TFAP2B: variants seen among roughly 807,000 people sequenced by gnomAD.
TFAP2B encodes transcription factor AP-2-beta.
Under a neutral mutation model 44.3 loss-of-function variants are expected in TFAP2B, and 9 were observed. That is an observed-to-expected ratio of 0.20 (90% CI 0.12 to 0.35). The LOEUF (loss-of-function observed/expected upper bound fraction) is 0.35, where lower values mean the gene tolerates loss of function less well. TFAP2B is among the 10% of genes least tolerant of loss of function. The pLI is 1.00. For synonymous variants in TFAP2B, 270 were observed against 263.8 expected, an observed-to-expected ratio of 1.02 and a Z score of -0.23; for missense variants, 509 against 600.0, an observed-to-expected ratio of 0.85 and a Z score of 1.59.
intron 6 of TFAP2B, among the ~76,000 whole-genome samples, chr6:50,842,574 C>T (rs1016303043): frequency 6.6e-6 from 1 of 152,268 alleles, no homozygotes; most frequent in East Asian, 1.9e-4. Flanking sequence ...TCAGCATTCT[C>T]TAGAATAAAC....
chr6:50,835,946 C>T (rs1762611641), intron 3 of TFAP2B, 115 bp from the exon 4 acceptor site: 2 of 874,188 alleles, frequency 2.3e-6, no homozygotes, highest in South Asian at 1.3e-5. Flanking sequence ...ACACTTCCTC[C>T]CTCAGCTTTC....
At chr6:50,842,727 A>G (rs1762757059) in intron 6 of TFAP2B, among the ~76,000 whole-genome samples, 1 of 152,192 alleles carries the variant, frequency 6.6e-6, no homozygotes, top group Admixed American at 6.5e-5. Context: ...CGCGGGGGAA[A>G]CAGCTCAAAA....
At chr6:50,829,601 A>G (rs1052255806) in intron 3 of TFAP2B, among the ~76,000 whole-genome samples, 1 of 152,212 alleles carries the variant, frequency 6.6e-6, no homozygotes, top group Non-Finnish European at 1.5e-5. Context: ...TTTCTCATGG[A>G]TGTCGAAGAA....
At position 50,846,187 on chromosome 6, in the gene TFAP2B, AC is replaced by A. The variant is rs398048525; in HGVS notation, c.*2797del. 0.14 allele frequency: 21,277 copies of A among 152,228 alleles called. 1,609 individuals carry two copies. The highest frequency in any genetic ancestry group is 0.2 in the African/African-American group (8,282 of 41,336). 9.4% of individuals were successfully genotyped at this position (152,228 alleles called of 1,614,324 possible). A position where few individuals can be genotyped will look rare whatever the true frequency, so the allele number is the denominator to read the frequency against. On this transcript the variant is annotated 3_prime_UTR_variant, in exon 7 of 7. Transcript: ENST00000393655. ...TTCCTCCTTGCTCCAGCGAGATAGA[AC>A]CTTTTGCGCCCCCAACCCCGTTTCG...
intron 1 of TFAP2B, chr6:50,821,979 G>A: frequency 6.4e-6 from 2 of 314,388 alleles, no homozygotes; most frequent in Non-Finnish European, 1.2e-5. Context: ...GTTGGGGTGG[G>A]GGGCGGGTGT....
chr6:50,842,996 A>G, intron 6 of TFAP2B, 96 bp from the exon 7 acceptor site: 1 of 1,521,502 alleles, frequency 6.6e-7, no homozygotes, highest in Non-Finnish European at 9.1e-7. Flanking sequence ...CTCTTCGGTG[A>G]CCCGGCGCCT....
chr6:50,825,290 T>A, intron 2 of TFAP2B, among the ~76,000 whole-genome samples: 1 of 121,234 alleles, frequency 8.2e-6, no homozygotes, highest in East Asian at 2.4e-4. Flanking sequence ...AGGAAGTATT[T>A]AATAGTTTTT....
At chr6:50,824,770 G>A (rs999922417) in intron 2 of TFAP2B, among the ~76,000 whole-genome samples, 1 of 152,198 alleles carries the variant, frequency 6.6e-6, no homozygotes, top group African/African-American at 2.4e-5. Context: ...GCCTGATTTG[G>A]TTGAGAATAC....
intron 1 of TFAP2B, among the ~76,000 whole-genome samples, chr6:50,819,281 G>A (rs749739760): frequency 7.1e-6 from 1 of 141,334 alleles, no homozygotes; most frequent in African/African-American, 2.7e-5. Flanking sequence ...TGGTGCTACT[G>A]AATGTGGGCA....
At chr6:50,822,057 C>T (rs943010852) in intron 1 of TFAP2B, 2 of 1,077,158 alleles carry the variant, frequency 1.9e-6, no homozygotes, top group African/African-American at 1.7e-5. Context: ...GTGTCCAGCT[C>T]GCTTCTCTGC....
At chr6:50,821,702 C>T (rs1770352433) in intron 1 of TFAP2B, 1 of 161,986 alleles carries the variant, frequency 6.2e-6, no homozygotes, top group Admixed American at 6.0e-5. Context: ...TAGGGGAGCT[C>T]TGCGCTCGCT....
chr6:50,835,931 A>T (rs1282216723), intron 3 of TFAP2B, 130 bp from the exon 4 acceptor site: 2 of 815,266 alleles, frequency 2.5e-6, no homozygotes, highest in East Asian at 4.8e-5. Flanking sequence ...GCCCCACTGG[A>T]ATAAACACTT....
chr6:50,822,463 G>C (rs546520139), intron 1 of TFAP2B, among the ~76,000 whole-genome samples: 1 of 152,212 alleles, frequency 6.6e-6, no homozygotes, highest in Admixed American at 6.5e-5. Flanking sequence ...AAAGAACCAT[G>C]GGGAGTTTAC....
chr6:50,820,012 C>T (rs551662259), intron 1 of TFAP2B, among the ~76,000 whole-genome samples: 4 of 152,114 alleles, frequency 2.6e-5, no homozygotes, highest in African/African-American at 9.7e-5. Context: ...AGGGAAGGTT[C>T]TGCTGAGACG....
In TFAP2B at chr6:50,840,199, A is replaced by T. The variant is rs1392817515; in HGVS notation, c.984A>T (p.Glu328Asp). 1.9e-6 allele frequency: 3 copies of T among 1,614,152 alleles called. No homozygotes were observed. Among genetic ancestry groups the T allele is most frequent in the Non-Finnish European group, 2.5e-6 (3 of 1,180,036 alleles). Residue 328 changes from glutamate (E) to aspartate (D), a missense_variant, in exon 6 of 7, where the codon GAA (glutamate) becomes GAT (aspartate). This residue lies in a region of TFAP2B where 168 missense variants were observed against 183.2 expected (regional missense o/e 0.92). Transcript: ENST00000393655. ...HLARDFGYIC[E>D]TEFPAKAVSE... Reference sequence around the variant, plus strand: ...CTAGGGATTTTGGGTACATTTGCGAAACGGAGTTTCCCGCCAAAGCCGTCT... The same window carrying T: ...CTAGGGATTTTGGGTACATTTGCGATACGGAGTTTCCCGCCAAAGCCGTCT...
intron 3 of TFAP2B, among the ~76,000 whole-genome samples, chr6:50,833,039 A>G (rs1007114734): frequency 6.6e-6 from 1 of 152,242 alleles, no homozygotes; most frequent in Non-Finnish European, 1.5e-5. Context: ...CTTCTAATGT[A>G]TGCACAGAAA....
chr6:50,818,809 G>A (rs886061563), upstream of TFAP2B: 2 of 1,289,620 alleles, frequency 1.6e-6, no homozygotes, highest in Admixed American at 1.7e-5. Context: ...GTCGGATTTG[G>A]TGTGTATCCC....
intron 5 of TFAP2B, 127 bp downstream of exon 5, chr6:50,838,220 C>A: frequency 1.1e-6 from 1 of 877,376 alleles, no homozygotes; most frequent in Non-Finnish European, 1.9e-6. Context: ...AGCTGGATGT[C>A]AAGCGGCTTC....
rs766157125 is a variant in TFAP2B, at chr6:50,840,191, A to C, written c.976A>C (p.Ile326Leu). The C allele has an allele frequency of 8.7e-6, 14 of 1,613,948 alleles. 1 individual carries two copies. In the Middle Eastern group the frequency reaches 4.9e-4, roughly 57 times the overall value. Residue 326 changes from isoleucine to leucine, a missense_variant, in exon 6 of 7, where the codon ATT (isoleucine) becomes CTT (leucine). Transcript: ENST00000393655. ...AVHLARDFGY[I>L]CETEFPAKAV... is the part of the protein sequence containing the mutation. ...TCACTTAGCTAGGGATTTTGGGTAC[A>C]TTTGCGAAACGGAGTTTCCCGCCAA...
Sources: gnomAD v4.1 joint callset for allele counts (sites outside exome capture counted in the v4.1 genomes callset) on GRCh38, gnomAD v4.1.1 for gene constraint, gnomAD v4.1.1 regional missense constraint, MANE v1.5 for transcripts, NCBI Gene and HGNC (gene_info 2026-07-23, HGNC 2026-07-21) for gene names.